The following PRKG1 variants were observed in gnomAD, a reference collection of about 807,000 sequenced individuals.
PRKG1 encodes the protein protein kinase cGMP-dependent 1, also known as cGMP-dependent protein kinase 1.
PRKG1 carries 35 observed loss-of-function variants against 88.1 expected under a neutral mutation model. The ratio of observed to expected loss-of-function variants is 0.40; its 90% CI spans 0.30 to 0.53. PRKG1 has a LOEUF of 0.53. Ranked by LOEUF, PRKG1 falls within the 20% of genes least tolerant of loss-of-function variation. The pLI is 0.59. For missense variants in PRKG1, 540 were observed against 839.8 expected (o/e 0.64, Z 4.41); for synonymous variants, 303 against 292.5 (o/e 1.04, Z -0.37).
At chr10:51,404,834 T>C (rs920413914) in intron 2 of PRKG1, among the ~76,000 whole-genome samples, 5 of 152,186 alleles carry the variant, frequency 3.3e-5, no homozygotes, top group Non-Finnish European at 4.4e-5. Context: ...TTCTCTCACC[T>C]CTACATCTAT....
chr10:51,835,727 A>G (rs926023322), intron 4 of PRKG1, among the ~76,000 whole-genome samples: 2 of 152,186 alleles, frequency 1.3e-5, no homozygotes, highest in African/African-American at 4.8e-5. Flanking sequence ...TGTCATATGA[A>G]TTTCAATTCC....
chr10:51,019,275 A>G (rs559899286), intron 1 of PRKG1, among the ~76,000 whole-genome samples: 9 of 152,310 alleles, frequency 5.9e-5, no homozygotes, highest in Admixed American at 5.9e-4. Flanking sequence ...AATCAAAACA[A>G]TGTGGTACTG....
At chr10:51,991,605 C>T (rs1844309816) in intron 5 of PRKG1, among the ~76,000 whole-genome samples, 2 of 152,090 alleles carry the variant, frequency 1.3e-5, no homozygotes. Context: ...TGTTCAATTC[C>T]CACCTATGAG....
rs1229858477 is a variant in PRKG1, at chr10:51,669,841, G to A, written c.593-134744G>A. On this transcript the variant is annotated intron_variant, in intron 3 of 17. Coordinates refer to ENST00000373980, the MANE Select transcript of PRKG1 (RefSeq NM_006258.4). The stretch of plus-strand genomic sequence containing the variant: ...GTTCCATGCATGCTTTAAAAGAGTA[G>A]GTATTCTTAATTTCTGGTCAGTATT... 2.0e-5 allele frequency among the ~76,000 whole-genome samples: 3 copies of A among 152,082 alleles called. No individual in the cohort carries two copies. In the East Asian group the frequency reaches 5.8e-4, roughly 29 times the overall value.
intron 1 of PRKG1, among the ~76,000 whole-genome samples, chr10:51,109,211 G>T (rs1234128982): frequency 6.6e-6 from 1 of 152,048 alleles, no homozygotes; most frequent in Non-Finnish European, 1.5e-5. Flanking sequence ...AGGCATATTT[G>T]TAGAAATTGA....
chr10:51,817,916 G>T (rs762775666), intron 4 of PRKG1, among the ~76,000 whole-genome samples: 2 of 151,834 alleles, frequency 1.3e-5, no homozygotes, highest in African/African-American at 4.8e-5. Flanking sequence ...GTAGTCAATT[G>T]CTTCTTAAAG....
intron 2 of PRKG1, among the ~76,000 whole-genome samples, chr10:51,382,570 T>A (rs903157958): frequency 1.3e-5 from 2 of 150,916 alleles, no homozygotes. Flanking sequence ...TATAAGCATC[T>A]CATTTTAAAA....
chr10:51,778,025 G>T (rs1428233721), intron 3 of PRKG1, among the ~76,000 whole-genome samples: 1 of 152,072 alleles, frequency 6.6e-6, no homozygotes, highest in Non-Finnish European at 1.5e-5. Context: ...AAGACATTTT[G>T]ATTGCTTCTG....
At chr10:52,005,251 C>CTTTT (rs10595402) in intron 5 of PRKG1, among the ~76,000 whole-genome samples, 21 of 117,748 alleles carry the variant, frequency 1.8e-4, no homozygotes, top group Non-Finnish European at 2.1e-4. Context: ...TAATGCCCAT[C>CTTTT]TTTTTTTTTT....
chr10:52,137,942 G>T (rs1320248530), intron 8 of PRKG1, among the ~76,000 whole-genome samples: 1 of 151,934 alleles, frequency 6.6e-6, no homozygotes, highest in Non-Finnish European at 1.5e-5. Context: ...ACACATTGAG[G>T]ATCATTTTGA....
At chr10:51,076,171 A>G (rs1769092695) in intron 1 of PRKG1, among the ~76,000 whole-genome samples, 1 of 152,196 alleles carries the variant, frequency 6.6e-6, no homozygotes, top group African/African-American at 2.4e-5. Context: ...AGTTATACCT[A>G]TACATGTTGA....
chr10:52,083,019 A>G (rs988235424), intron 7 of PRKG1, among the ~76,000 whole-genome samples: 7 of 152,120 alleles, frequency 4.6e-5, no homozygotes, highest in Non-Finnish European at 8.8e-5. Flanking sequence ...TTGCTTCTGA[A>G]TAATCGAGTG....
chr10:52,098,538 C>A (rs754457276), intron 7 of PRKG1, among the ~76,000 whole-genome samples: 2 of 152,010 alleles, frequency 1.3e-5, no homozygotes, highest in South Asian at 4.2e-4. Context: ...AGGCCGGGCG[C>A]GGTGGCTCAC....
intron 2 of PRKG1, among the ~76,000 whole-genome samples, chr10:51,205,122 C>CTTTT (rs1838013743): frequency 2.9e-5 from 1 of 34,928 alleles, no homozygotes; most frequent in African/African-American, 1.1e-4. Flanking sequence ...TTTTCATTTT[C>CTTTT]TTTTCTTTTT....
chr10:51,615,228 A>G (rs189226877), intron 3 of PRKG1, among the ~76,000 whole-genome samples: 2 of 152,006 alleles, frequency 1.3e-5, no homozygotes, highest in African/African-American at 4.8e-5. Context: ...TAAGGCATTG[A>G]TGCTTTACTC....
intron 2 of PRKG1, among the ~76,000 whole-genome samples, chr10:51,338,871 A>C (rs953510488): frequency 3.3e-5 from 5 of 152,172 alleles, no homozygotes; most frequent in African/African-American, 1.2e-4. Flanking sequence ...TAGCCCACAA[A>C]AGATATCTAG....
chr10:51,427,033 A>G (rs185094211), intron 2 of PRKG1, among the ~76,000 whole-genome samples: 2 of 152,160 alleles, frequency 1.3e-5, no homozygotes, highest in African/African-American at 2.4e-5. Flanking sequence ...ATTTGCTTCT[A>G]TGTTGCTATT....
At chr10:52,015,241 G>A (rs1845008001) in intron 5 of PRKG1, among the ~76,000 whole-genome samples, 1 of 152,164 alleles carries the variant, frequency 6.6e-6, no homozygotes, top group African/African-American at 2.4e-5. Context: ...ATAGGCTGAG[G>A]CTCCCAAAGC....
chr10:51,410,436 A>G (rs534655475), intron 2 of PRKG1, among the ~76,000 whole-genome samples: 3 of 152,006 alleles, frequency 2.0e-5, no homozygotes, highest in Non-Finnish European at 4.4e-5. Flanking sequence ...AGCATCCAAC[A>G]CAGGAGAAAA....
Sources: gnomAD v4.1 joint callset for allele counts (sites outside exome capture counted in the v4.1 genomes callset) on GRCh38, gnomAD v4.1.1 for gene constraint, MANE v1.5 for transcripts, NCBI Gene and HGNC (gene_info 2026-07-23, HGNC 2026-07-21) for gene names.